The following DOK3 variants were observed in gnomAD, a reference collection of about 807,000 sequenced individuals.
DOK3 encodes the protein docking protein 3.
Under a neutral mutation model 26.2 loss-of-function variants are expected in DOK3, and 23 were observed. The observed-to-expected ratio is 0.88, with a 90% CI of 0.63 to 1.24. The LOEUF (loss-of-function observed/expected upper bound fraction) is 1.24. Ranked by LOEUF, DOK3 falls within the 50% of genes most tolerant of loss-of-function variation. The pLI is 0.00. For missense variants in DOK3, 619 were observed against 610.6 expected, an observed-to-expected ratio of 1.01 and a Z score of -0.15; for synonymous variants, 268 against 268.2, an observed-to-expected ratio of 1.00 and a Z score of 0.01.
intron 2 of DOK3, chr5:177,509,054 C>G (rs868647523): frequency 5.7e-5 from 11 of 192,378 alleles, no homozygotes; most frequent in Non-Finnish European, 7.4e-5. Flanking sequence ...GGGCTGCTGC[C>G]GAGGAGAGGT....
upstream of DOK3, chr5:177,509,996 T>C (rs568427581): frequency 3.6e-5 from 37 of 1,032,586 alleles, no homozygotes; most frequent in South Asian, 5.0e-4. Context: ...CCTCACCCCA[T>C]CTTGCTGCTT....
intron 3 of DOK3, among the ~76,000 whole-genome samples, 163 bp from the exon 4 acceptor site, chr5:177,505,273 C>T (rs1175902023): frequency 6.6e-6 from 1 of 152,224 alleles, no homozygotes; most frequent in Non-Finnish European, 1.5e-5. Flanking sequence ...CCTTCCGAGC[C>T]TGTTCTCCCA....
At position 177,508,260 on chromosome 5, in the gene DOK3, G is replaced by T; in HGVS notation, c.349C>A (p.Pro117Thr). ...AAQHRQAWMG[P>T]ICQLAFPGTG... ...ACCGGGAAGGCCAGCTGGCAGATGGGGCCCATCCAGGCCTGGCGGTGCTGA... is the reference window on the plus strand; with the variant it reads ...ACCGGGAAGGCCAGCTGGCAGATGGTGCCCATCCAGGCCTGGCGGTGCTGA... Residue 117 changes from proline to threonine, a missense_variant, in exon 3 of 6, where the codon CCC (proline) becomes ACC (threonine). Pro to Thr is a conservative substitution (Grantham distance 38). Coordinates refer to ENST00000510898, the MANE Select transcript of DOK3 (RefSeq NM_001308236.3). 6.5e-7 allele frequency: 1 copy of T among 1,529,096 alleles called. No homozygotes were observed. Among genetic ancestry groups the T allele is most frequent in the Non-Finnish European group, 8.8e-7 (1 of 1,134,280 alleles). 94.7% of individuals were successfully genotyped at this position (1,529,096 alleles called of 1,614,324 possible).
rs781008345 is a variant in DOK3 at position 177,504,024 on chromosome 5, G to A, written c.1282C>T (p.Arg428Cys). 7.6e-6 allele frequency: 12 copies of A among 1,579,242 alleles called. No homozygotes were observed. The highest frequency in any genetic ancestry group is 7.0e-5 in the East Asian group (3 of 42,832). ...FKAKLVTLLSRERRKGPAPCD... is the reference protein window; with the variant it reads ...FKAKLVTLLSCERRKGPAPCD... ...GGGGCTGGGCCCTTCCTCCGCTCAC[G>A]ACTCAGCAGGGTCACCAGCTTGGCC... is the stretch of plus-strand genomic sequence containing the variant. The change falls in exon 6 of 6, where the codon CGT (arginine) becomes TGT (cysteine). Residue 428 changes from arginine (R) to cysteine (C), a missense_variant. Physicochemically the swap from Arg to Cys is radical, Grantham distance 180. Transcript: ENST00000510898.
chr5:177,508,796 G>A (rs1436649885), intron 2 of DOK3: 5 of 421,172 alleles, frequency 1.2e-5, no homozygotes, highest in Middle Eastern at 1.2e-3. Context: ...ATGAGAACTC[G>A]AGCTGGGACT....
In DOK3 at chr5:177,504,563, G is replaced by T; in HGVS notation, c.743C>A (p.Ala248Asp). The change falls in exon 6 of 6, where the codon GCC (alanine) becomes GAC (aspartate). Residue 248 changes from alanine to aspartate, a missense_variant. Transcript: ENST00000510898. ...PCAPDLCRAV[A>D]GAIARQRERL... is the part of the protein sequence containing the mutation. The stretch of plus-strand genomic sequence containing the variant: ...CTCCCGCTGGCGGGCGATGGCCCCG[G>T]CCACAGCCCTGCACAGGTCAGGGGC... 6.3e-7 allele frequency: 1 copy of T among 1,599,246 alleles called. No individual in the cohort carries two copies.
At chr5:177,508,841 C>T (rs904404376) in intron 2 of DOK3, 6 of 362,656 alleles carry the variant, frequency 1.7e-5, no homozygotes, top group South Asian at 1.0e-4. Flanking sequence ...ATCCAGTGGC[C>T]GGGCAGACCA....
At chr5:177,505,739 T>C (rs762967827) in intron 3 of DOK3, among the ~76,000 whole-genome samples, 2 of 152,050 alleles carry the variant, frequency 1.3e-5, no homozygotes, top group Non-Finnish European at 2.9e-5. Flanking sequence ...CCTCCCGGGT[T>C]TGTTTTTTTT....
In DOK3 at chr5:177,508,539, A is replaced by G. The variant is rs1021847639; in HGVS notation, c.70T>C (p.Cys24Arg). ...AGCAGAGCCCACACCTTCCGCCAGC[A>G]CTTCTGCGGGAGGGGAGCGGGAGGG... ...YQQHVKFGKK[C>R]WRKVWALLYA... Residue 24 changes from cysteine to arginine, a missense_variant, in exon 3 of 6, where the codon TGC becomes CGC. Coordinates refer to ENST00000510898, the MANE Select transcript of DOK3 (RefSeq NM_001308236.3). 9 of 1,537,464 alleles carry G rather than the reference A, an allele frequency of 5.9e-6. No homozygotes were observed. The highest frequency in any genetic ancestry group is 8.0e-6 in the Non-Finnish European group (9 of 1,132,052).
intron 3 of DOK3, among the ~76,000 whole-genome samples, chr5:177,507,019 C>T (rs1760279725): frequency 6.6e-6 from 1 of 152,130 alleles, no homozygotes; most frequent in Admixed American, 6.6e-5. Context: ...CAAGGCTGTG[C>T]ACTGTTGCCA....
rs142992498 is a variant in DOK3 at position 177,509,562 on chromosome 5, C to G, written c.-22G>C. The G allele has an allele frequency of 3.7e-6, 6 of 1,609,776 alleles. No individual in the cohort carries two copies. Among genetic ancestry groups the G allele is most frequent in the Non-Finnish European group, 5.1e-6 (6 of 1,177,816 alleles). ...CCATGGTCACGGCCAGGAGCAGGGC[C>G]GCCGCTTCAAGACCTGGGGAGACTG... On this transcript the variant is annotated 5_prime_UTR_variant, in exon 2 of 6. Transcript: ENST00000510898.
chr5:177,509,999 T>G (rs912348540), upstream of DOK3: 2 of 1,022,368 alleles, frequency 2.0e-6, no homozygotes, highest in African/African-American at 3.2e-5. Flanking sequence ...CACCCCATCT[T>G]GCTGCTTTTC....
intron 2 of DOK3, chr5:177,508,822 T>C: frequency 2.6e-6 from 1 of 386,944 alleles, no homozygotes; most frequent in Admixed American, 4.2e-5. Context: ...TGGGTCATGT[T>C]TGTAAAGCAT....
intron 2 of DOK3, chr5:177,509,210 T>G (rs1319721853): frequency 2.3e-6 from 1 of 440,228 alleles, no homozygotes; most frequent in African/African-American, 2.1e-5. Flanking sequence ...TCTTCCCTGC[T>G]GGGAGGTTTG....
chr5:177,504,162 A>G lies in DOK3; in HGVS notation c.1144T>C (p.Leu382=), dbSNP rs774441315. 1 of 1,613,890 alleles carries G rather than the reference A, an allele frequency of 6.2e-7. No individual in the cohort carries two copies. Among genetic ancestry groups the G allele is most frequent in the Non-Finnish European group, 8.5e-7 (1 of 1,179,890 alleles). ...TCGTTGGCCGGGCCGGGCCAGCTCA[A>G]GTCCTGGCCGTTGTGGTAGATGGGA... ...TSPIYHNGQD[L]SWPGPANDST... is the part of the protein sequence containing the mutation. The change falls in exon 6 of 6, where the codon TTG becomes CTG. Residue 382 remains leucine, a synonymous_variant. Coordinates refer to ENST00000510898, the MANE Select transcript of DOK3 (RefSeq NM_001308236.3).
upstream of DOK3, chr5:177,509,845 CG>C (rs1561726120): frequency 1.2e-6 from 2 of 1,610,888 alleles, no homozygotes; most frequent in Non-Finnish European, 8.5e-7. Context: ...TCTGGCTCCC[CG>C]AGTCATGAGT....
chr5:177,510,087 TC>T, upstream of DOK3: 5 of 633,080 alleles, frequency 7.9e-6, no homozygotes, highest in Non-Finnish European at 1.1e-5. Flanking sequence ...GCCTTTGGCA[TC>T]CCCCCAGGGG....
In DOK3 at chr5:177,504,410, A is replaced by T; in HGVS notation, c.896T>A (p.Met299Lys). 1 of 1,567,562 alleles carries T rather than the reference A, an allele frequency of 6.4e-7. No homozygotes were observed. Among genetic ancestry groups the T allele is most frequent in the Non-Finnish European group, 8.6e-7 (1 of 1,156,566 alleles). The change falls in exon 6 of 6, where the codon ATG (methionine) becomes AAG (lysine). Residue 299 changes from methionine to lysine, a missense_variant. Physicochemically the swap from Met to Lys is moderately conservative, Grantham distance 95. Transcript: ENST00000510898. ...CTGGGGTCCGGGCTCGGCCAGGTGC[A>T]TTTTCCTGGACGTGGGTGGCTCAGG... ...PGPEPPTSRK[M>K]HLAEPGPQSL...
chr5:177,507,180 CTTCTT>C (rs1290919428), intron 3 of DOK3, among the ~76,000 whole-genome samples: 3 of 151,624 alleles, frequency 2.0e-5, no homozygotes, highest in South Asian at 2.1e-4. Flanking sequence ...TTCTTTCTTT[CTTCTT>C]TTCTTTTTTT....
Sources: allele counts gnomAD v4.1 joint callset (sites outside exome capture counted in the v4.1 genomes callset), GRCh38; gene constraint gnomAD v4.1.1; transcripts MANE v1.5; gene names NCBI Gene and HGNC (gene_info 2026-07-23, HGNC 2026-07-21).